MED28: variants seen among roughly 807,000 people sequenced by gnomAD.
MED28 encodes the protein mediator complex subunit 28, also known as mediator of RNA polymerase II transcription subunit 28.
Under a neutral mutation model 21.3 loss-of-function variants are expected in MED28, and 26 were observed. That is an observed-to-expected ratio of 1.22 (90% confidence interval 0.89 to 1.69). MED28 has a LOEUF of 1.69. Among genes scored for constraint, MED28 ranks in the 40% most tolerant of loss-of-function variants. The pLI is 0.00. For missense variants in MED28, 257 were observed against 215.4 expected, an observed-to-expected ratio of 1.19 and a Z score of -1.21; for synonymous variants, 110 against 87.6, an observed-to-expected ratio of 1.26 and a Z score of -1.43.
chr4:17,615,465 G>T (rs939415582), intron 1 of MED28, among the ~76,000 whole-genome samples: 1 of 152,220 alleles, frequency 6.6e-6, no homozygotes, highest in African/African-American at 2.4e-5. Flanking sequence ...AGCTATTCCT[G>T]TGTAGTAATA....
rs1362497084 is a variant in MED28, at chr4:17,625,891, G to A, written c.*2093G>A. 1 of 191,290 alleles carries A rather than the reference G, an allele frequency of 5.2e-6. No homozygotes were observed. Among genetic ancestry groups the A allele is most frequent in the African/African-American group, 2.4e-5 (1 of 42,374 alleles). The allele number at this position is 191,290 out of a possible 1,614,324, so 11.8% of individuals were successfully genotyped here. On this transcript the variant is annotated 3_prime_UTR_variant, in exon 4 of 4. Coordinates refer to ENST00000237380, the MANE Select transcript of MED28 (RefSeq NM_025205.5). ...GTGCTTGACCTTAGGTCTGCCCACA[G>A]GCTTCAGGCTTTCAACTTTGAAACA...
chr4:17,621,534 A>T, intron 2 of MED28, 53 bp from the exon 3 acceptor site: 1 of 1,214,306 alleles, frequency 8.2e-7, no homozygotes, highest in Non-Finnish European at 1.2e-6. Context: ...TGAGGGAGAT[A>T]AATGAGTCTG....
chr4:17,624,187 G>A lies in MED28; in HGVS notation c.*389G>A, dbSNP rs755013006. ...TAGTAGCCTGAGAATCAGGAGATGG[G>A]AGTTTTAGTCGTAGGCCTTATGATA... is the stretch of plus-strand genomic sequence containing the variant. On this transcript the variant is annotated 3_prime_UTR_variant, in exon 4 of 4. Transcript: ENST00000237380. 4.1e-5 allele frequency: 9 copies of A among 219,274 alleles called. No individual in the cohort carries two copies. Among genetic ancestry groups the A allele is most frequent in the Non-Finnish European group, 7.4e-5 (8 of 107,602 alleles). 13.6% of individuals were successfully genotyped at this position (219,274 alleles called of 1,614,324 possible).
intron 1 of MED28, among the ~76,000 whole-genome samples, chr4:17,616,920 A>C (rs1222704389): frequency 2.0e-5 from 3 of 152,164 alleles, no homozygotes; most frequent in African/African-American, 4.8e-5. Context: ...CTTGAGAGAG[A>C]ACTCCCTCTG....
At position 17,621,626 on chromosome 4, in the gene MED28, G is replaced by A. The variant is rs1390370631; in HGVS notation, c.266G>A (p.Arg89Lys). The A allele has an allele frequency of 6.2e-7, 1 of 1,610,182 alleles. No homozygotes were observed. The highest frequency in any genetic ancestry group is 8.5e-7 in the Non-Finnish European group (1 of 1,179,188). The part of the protein sequence containing the change: ...QCIQKFLDIA[R>K]QTECFFLQKR... Reference sequence around the variant, plus strand: ...ATCCAGAAGTTTCTGGATATTGCAAGACAGACAGAATGTTTTTTCTTACAA... The same window carrying A: ...ATCCAGAAGTTTCTGGATATTGCAAAACAGACAGAATGTTTTTTCTTACAA... The change falls in exon 3 of 4, where the codon AGA becomes AAA. Residue 89 changes from arginine to lysine, a missense_variant. By Grantham distance (26) the Arg-to-Lys change is conservative (BLOSUM62 2). Coordinates refer to ENST00000237380, the MANE Select transcript of MED28 (RefSeq NM_025205.5).
chr4:17,632,825 C>CAG lies in MED28; in HGVS notation c.*9029_*9030dup. On this transcript the variant is annotated 3_prime_UTR_variant, in exon 4 of 4. Coordinates refer to ENST00000237380, the MANE Select transcript of MED28 (RefSeq NM_025205.5). ...GAGTACCTAATCCTCATTTGGAAAA[C>CAG]AGAAGGTTCACCATTGTTTGGTTCT... 2.2e-6 allele frequency: 1 copy of CAG among 463,320 alleles called. No individual in the cohort carries two copies. 28.7% of individuals were successfully genotyped at this position (463,320 alleles called of 1,614,324 possible).
At position 17,614,829 on chromosome 4, in the gene MED28, G is replaced by A; in HGVS notation, c.159+16G>A. 1 of 1,587,736 alleles carries A rather than the reference G, an allele frequency of 6.3e-7. No individual in the cohort carries two copies. Among genetic ancestry groups the A allele is most frequent in the South Asian group, 1.1e-5 (1 of 88,846 alleles). ...ATCTTTCGAGGTAATATAAGACATG[G>A]GCGTCTTTGTCCCTAGCCTTCCCTT... is the stretch of plus-strand genomic sequence containing the variant. On this transcript the variant is annotated intron_variant, in intron 1 of 3. Transcript: ENST00000237380.
chr4:17,621,018 G>GTT (rs10679446), intron 2 of MED28, among the ~76,000 whole-genome samples: 6,801 of 130,706 alleles, frequency 0.052, 666 homozygotes, highest in African/African-American at 0.18. Flanking sequence ...TCTGCCTTGT[G>GTT]TTTTTTTTTT....
At chr4:17,614,915 A>T in intron 1 of MED28, 102 bp downstream of exon 1, 2 of 1,349,422 alleles carry the variant, frequency 1.5e-6, no homozygotes, top group Non-Finnish European at 2.0e-6. Flanking sequence ...CAACTAATTC[A>T]CAAATGGGGA....
At position 17,632,354 on chromosome 4, in the gene MED28, C is replaced by T. The variant is rs1163443008; in HGVS notation, c.*8556C>T. On this transcript the variant is annotated 3_prime_UTR_variant, in exon 4 of 4. Transcript: ENST00000237380. ...CCTCCCAAAGTGATGGGATTACAGG[C>T]GTGAGCTGCTGTGCCTGGCAGAACA... 1.1e-5 allele frequency: 5 copies of T among 470,440 alleles called. No individual in the cohort carries two copies. The highest frequency in any genetic ancestry group is 3.9e-5 in the African/African-American group (2 of 50,976). 29.1% of individuals were successfully genotyped at this position (470,440 alleles called of 1,614,324 possible).
In MED28 at chr4:17,614,806, C is replaced by T; in HGVS notation, c.152C>T (p.Ser51Phe). Residue 51 changes from serine to phenylalanine, a missense_variant, in exon 1 of 4, where the codon TCT becomes TTT. Coordinates refer to ENST00000237380, the MANE Select transcript of MED28 (RefSeq NM_025205.5). The stretch of plus-strand genomic sequence containing the variant: ...ACTTTGGTGGACGAGTTGGAGTCAT[C>T]TTTCGAGGTAATATAAGACATGGGC... The part of the protein sequence containing the change: ...SSTLVDELES[S>F]FEACFASLVS... The T allele has an allele frequency of 6.2e-7, 1 of 1,605,820 alleles. No homozygotes were observed. The highest frequency in any genetic ancestry group is 1.3e-5 in the African/African-American group (1 of 74,288).
Position 17,614,704 on chromosome 4 carries a change from C to G in MED28, c.50C>G (p.Pro17Arg), listed in dbSNP as rs142728763. 2.5e-6 allele frequency: 4 copies of G among 1,614,090 alleles called. No homozygotes were observed. The highest frequency in any genetic ancestry group is 1.7e-5 in the Admixed American group (1 of 60,002). Reference protein sequence around the residue: ...GMFSGQPPGPPQAPPGLPGQA... With the variant: ...GMFSGQPPGPRQAPPGLPGQA... ...TTTTCTGGGCAGCCACCCGGTCCCC[C>G]TCAGGCCCCGCCGGGCCTTCCGGGC... is the stretch of plus-strand genomic sequence containing the variant. The change falls in exon 1 of 4, where the codon CCT becomes CGT. Residue 17 changes from proline (P) to arginine (R), a missense_variant. Transcript: ENST00000237380.
intron 3 of MED28, among the ~76,000 whole-genome samples, chr4:17,622,264 A>G (rs941535050): frequency 6.6e-6 from 1 of 152,230 alleles, no homozygotes; most frequent in African/African-American, 2.4e-5. Flanking sequence ...GTGAAGAATC[A>G]TCCTGCCCAA....
Position 17,623,630 on chromosome 4 carries a change from G to A in MED28, c.369G>A (p.Gln123=). 1 of 1,614,162 alleles carries A rather than the reference G, an allele frequency of 6.2e-7. No individual in the cohort carries two copies. The highest frequency in any genetic ancestry group is 8.5e-7 in the Non-Finnish European group (1 of 1,180,028). Residue 123 remains glutamine (Q), a synonymous_variant, in exon 4 of 4, where the codon CAG becomes CAA. Transcript: ENST00000237380. ...TGTCAGAACTAAGGAATGAATTACA[G>A]CGGAAAGATGCACTAGTCCAGAAGC... The part of the protein sequence containing the change: ...EDVSELRNEL[Q]RKDALVQKHL...
chr4:17,632,006 C>G lies in MED28; in HGVS notation c.*8208C>G, dbSNP rs1006129312. 2 of 143,722 alleles carry G rather than the reference C, an allele frequency of 1.4e-5. No homozygotes were observed. Among genetic ancestry groups the G allele is most frequent in the African/African-American group, 5.2e-5 (2 of 38,446 alleles). 8.9% of individuals were successfully genotyped at this position (143,722 alleles called of 1,614,324 possible). A position where few individuals can be genotyped will look rare whatever the true frequency, so the allele number is the denominator to read the frequency against. On this transcript the variant is annotated 3_prime_UTR_variant, in exon 4 of 4. Coordinates refer to ENST00000237380, the MANE Select transcript of MED28 (RefSeq NM_025205.5). The stretch of plus-strand genomic sequence containing the variant: ...TCATTAGTAACGCTAATAACATTTT[C>G]CTATAGATGACTTTTAATAACACTG...
Position 17,632,709 on chromosome 4 carries a change from A to ATGG in MED28, c.*8912_*8913insGGT. The ATGG allele has an allele frequency of 1.1e-6, 1 of 914,572 alleles. No individual in the cohort carries two copies. Among genetic ancestry groups the ATGG allele is most frequent in the Non-Finnish European group, 1.7e-6 (1 of 591,086 alleles). 56.7% of individuals were successfully genotyped at this position (914,572 alleles called of 1,614,324 possible). On this transcript the variant is annotated 3_prime_UTR_variant, in exon 4 of 4. Coordinates refer to ENST00000237380, the MANE Select transcript of MED28 (RefSeq NM_025205.5). Reference sequence around the variant, plus strand: ...ATACCCACCATCTTTTCAGGGAAAGATAACTGCTTGTTTACTCTTCAAAAA... The same window carrying ATGG: ...ATACCCACCATCTTTTCAGGGAAAGATGGTAACTGCTTGTTTACTCTTCAAAAA...
rs954800262 is a variant in MED28 at position 17,614,823 on chromosome 4, G to T, written c.159+10G>T. 1.3e-6 allele frequency: 2 copies of T among 1,589,460 alleles called. No individual in the cohort carries two copies. Among genetic ancestry groups the T allele is most frequent in the Middle Eastern group, 1.7e-4 (1 of 5,928 alleles). On this transcript the variant is annotated intron_variant, in intron 1 of 3. Transcript: ENST00000237380. ...GGAGTCATCTTTCGAGGTAATATAA[G>T]ACATGGGCGTCTTTGTCCCTAGCCT...
At chr4:17,619,551 G>T (rs1357471716) in intron 1 of MED28, among the ~76,000 whole-genome samples, 3 of 152,194 alleles carry the variant, frequency 2.0e-5, no homozygotes, top group African/African-American at 7.2e-5. Context: ...ATTGTCCTGA[G>T]TCCTGAATGG....
intron 2 of MED28, among the ~76,000 whole-genome samples, chr4:17,621,337 A>G (rs1006292476): frequency 1.3e-5 from 2 of 151,706 alleles, no homozygotes; most frequent in Non-Finnish European, 2.9e-5. Context: ...AGAAGATCTC[A>G]TGGCTTTTAT....
Sources: gnomAD v4.1 joint callset for allele counts (sites outside exome capture counted in the v4.1 genomes callset) on GRCh38, gnomAD v4.1.1 for gene constraint, MANE v1.5 for transcripts, NCBI Gene and HGNC (gene_info 2026-07-23, HGNC 2026-07-21) for gene names.